Variants in DAPK2 observed in about 807,000 individuals in gnomAD.
The protein encoded by DAPK2 is death associated protein kinase 2.
A neutral mutation model predicts 44.1 loss-of-function variants in DAPK2; 35 were observed. The observed-to-expected ratio is 0.79, with a 90% CI of 0.61 to 1.05. The LOEUF (loss-of-function observed/expected upper bound fraction) is 1.05, where lower values mean the gene tolerates loss of function less well. Among genes scored for constraint, DAPK2 ranks in the 50% least tolerant of loss-of-function variants. The pLI, the probability that DAPK2 is intolerant of heterozygous loss-of-function variation, is 0.00. For synonymous variants in DAPK2, 174 were observed against 182.6 expected, an observed-to-expected ratio of 0.95 and a Z score of 0.38; for missense variants, 453 against 483.2, an observed-to-expected ratio of 0.94 and a Z score of 0.59.
chr15:63,934,537 G>A (rs1276347584), intron 4 of DAPK2, among the ~76,000 whole-genome samples: 1 of 151,928 alleles, frequency 6.6e-6, no homozygotes, highest in East Asian at 1.9e-4. Context: ...GATTACAGGT[G>A]TGAGCCATGG....
rs547011428 is a variant in DAPK2 at position 63,980,997 on chromosome 15, G to A, written c.314+2536C>T. 4.6e-5 allele frequency among the ~76,000 whole-genome samples: 7 copies of A among 152,058 alleles called. No homozygotes were observed. The South Asian group carries it at 1.0e-3, about 23-fold the overall frequency. On this transcript the variant is annotated intron_variant, in intron 2 of 10. Transcript: ENST00000261891. This position sits in a 1 kb window ranked among gnomAD's most constrained non-coding sequence, Gnocchi z 4.3. ...TCCAGCTACTTGGGAGGCTGAGGTA[G>A]GAGAATAGCTTGAACCCAGGAGGTG...
chr15:63,971,804 C>T (rs1285779168), intron 2 of DAPK2, among the ~76,000 whole-genome samples: 1 of 152,210 alleles, frequency 6.6e-6, no homozygotes, highest in Non-Finnish European at 1.5e-5. Flanking sequence ...GTCAGAAGAG[C>T]CTCTGCTCCC....
chr15:64,043,773 G>T (rs555687465), upstream of DAPK2, among the ~76,000 whole-genome samples: 1 of 152,176 alleles, frequency 6.6e-6, no homozygotes, highest in Non-Finnish European at 1.5e-5. Flanking sequence ...TGTTTTAAAC[G>T]GTCCATGGAT....
chr15:63,985,586 T>C (rs1416925685), intron 1 of DAPK2, among the ~76,000 whole-genome samples: 1 of 152,156 alleles, frequency 6.6e-6, no homozygotes, highest in Non-Finnish European at 1.5e-5. Context: ...AGTTCCTACT[T>C]GACCTGTGGG....
intron 1 of DAPK2, among the ~76,000 whole-genome samples, chr15:63,988,619 C>T (rs1264358682): frequency 6.6e-6 from 1 of 151,638 alleles, no homozygotes; most frequent in Non-Finnish European, 1.5e-5. Context: ...ATTCTCCTGC[C>T]TCAGCCTCCT....
intron 3 of DAPK2, among the ~76,000 whole-genome samples, chr15:63,957,651 C>A (rs2077764720): frequency 6.6e-6 from 1 of 151,992 alleles, no homozygotes; most frequent in South Asian, 2.1e-4. Flanking sequence ...ATGATGGTTT[C>A]TAGCTTCATC....
intron 6 of DAPK2, among the ~76,000 whole-genome samples, chr15:63,929,265 G>A (rs1375266696): frequency 6.6e-6 from 1 of 152,120 alleles, no homozygotes; most frequent in African/African-American, 2.4e-5. Context: ...TCTGGGGGAG[G>A]GTGAGCAGGG....
chr15:63,928,144 C>A (rs568814632), intron 6 of DAPK2: 1 of 152,400 alleles, frequency 6.6e-6, no homozygotes, highest in African/African-American at 2.4e-5. Flanking sequence ...CTTCTCTTTG[C>A]ATCAAATTCA....
chr15:63,993,521 T>C (rs781518531), intron 1 of DAPK2, among the ~76,000 whole-genome samples: 27 of 152,030 alleles, frequency 1.8e-4, no homozygotes, highest in Non-Finnish European at 3.1e-4. Context: ...TTCACTGATA[T>C]AGTCAGCTCT....
intron 1 of DAPK2, among the ~76,000 whole-genome samples, chr15:64,014,405 C>T (rs139382313): frequency 6.6e-6 from 1 of 152,342 alleles, no homozygotes; most frequent in East Asian, 1.9e-4. Flanking sequence ...TCTGGCTTTC[C>T]ACAGGAAGAA....
chr15:63,922,201 G>C, intron 8 of DAPK2: 4 of 788,870 alleles, frequency 5.1e-6, no homozygotes, highest in Non-Finnish European at 6.2e-6. Context: ...TAAGGACCAA[G>C]TGAGGTCATT....
intron 8 of DAPK2, chr15:63,922,701 C>T: frequency 6.7e-7 from 1 of 1,488,060 alleles, no homozygotes; most frequent in Non-Finnish European, 8.9e-7. Context: ...TTCTGCAAAC[C>T]TCTTGGGATG....
rs76029214 is a variant in DAPK2 at position 63,991,945 on chromosome 15, A to T, written c.93-8191T>A. Among the ~76,000 whole-genome samples, 366 of 152,290 alleles carry T rather than the reference A, an allele frequency of 2.4e-3. 3 individuals are homozygous for T. The highest frequency in any genetic ancestry group is 8.3e-3 in the African/African-American group (343 of 41,558). On this transcript the variant is annotated intron_variant, in intron 1 of 10. Coordinates refer to ENST00000261891, the Ensembl canonical transcript of DAPK2. ...TGGCTGTTCTGTATGGGCCTGCAGC[A>T]GCTGCTTTTAGAGGCTGGCTTGTTT...
At chr15:63,953,912 T>G (rs1453749595) in intron 3 of DAPK2, among the ~76,000 whole-genome samples, 1 of 152,258 alleles carries the variant, frequency 6.6e-6, no homozygotes, top group East Asian at 1.9e-4. Context: ...GCCATTTGTA[T>G]GTCTTCTTTT....
Position 63,990,432 on chromosome 15 carries a change from A to T in DAPK2, c.93-6678T>A, listed in dbSNP as rs1448444182. On this transcript the variant is annotated intron_variant, in intron 1 of 10. Coordinates refer to ENST00000261891, the Ensembl canonical transcript of DAPK2. This position sits in a 1 kb window ranked among gnomAD's most constrained non-coding sequence, Gnocchi z 4.3. Reference sequence around the variant, plus strand: ...GACAGAGCAAGACTCCATCTAGAAAAAGAAAAAGAAAGGTCCATGGATTGA... The same window carrying T: ...GACAGAGCAAGACTCCATCTAGAAATAGAAAAAGAAAGGTCCATGGATTGA... 4.6e-5 allele frequency among the ~76,000 whole-genome samples: 7 copies of T among 151,244 alleles called. No homozygotes were observed. The highest frequency in any genetic ancestry group is 1.3e-4 in the Admixed American group (2 of 15,168).
chr15:64,039,418 C>G (rs1012961250), intron 1 of DAPK2, among the ~76,000 whole-genome samples: 11 of 152,158 alleles, frequency 7.2e-5, no homozygotes, highest in Admixed American at 2.0e-4. Flanking sequence ...GCAACTTGCC[C>G]AAACGCTGGA....
chr15:63,933,040 A>G (rs1241402460), intron 4 of DAPK2, among the ~76,000 whole-genome samples: 1 of 151,892 alleles, frequency 6.6e-6, no homozygotes, highest in Non-Finnish European at 1.5e-5. Context: ...TTTTTTTTGC[A>G]TGTGTTTCCT....
exon 7 of DAPK2, chr15:63,925,990 T>C (rs1009030721): frequency 1.2e-6 from 2 of 1,614,086 alleles, no homozygotes; most frequent in Admixed American, 3.3e-5. Context: ...GCCAGCTCGC[T>C]CGTCTGGCTG....
chr15:63,945,045 T>C (rs189900535), intron 3 of DAPK2, among the ~76,000 whole-genome samples: 2 of 152,238 alleles, frequency 1.3e-5, no homozygotes, highest in Admixed American at 1.3e-4. Context: ...AGAGAATCTT[T>C]TTCTAAAAAA....
Sources: gnomAD v4.1 joint callset for allele counts (sites outside exome capture counted in the v4.1 genomes callset) on GRCh38, gnomAD v4.1.1 for gene constraint, Gnocchi (gnomAD v3.1) non-coding constraint, MANE v1.5 for transcripts, NCBI Gene and HGNC (gene_info 2026-07-23, HGNC 2026-07-21) for gene names.